DNER: variants seen among roughly 807,000 people sequenced by gnomAD.
The protein encoded by DNER is delta/notch like EGF repeat containing.
Under a neutral mutation model 78.2 loss-of-function variants are expected in DNER, and 33 were observed. The observed-to-expected ratio is 0.42, with a 90% CI of 0.32 to 0.56. DNER has a LOEUF of 0.56. DNER is among the 20% of genes least tolerant of loss of function. DNER has a pLI of 0.11. For synonymous variants in DNER, 417 were observed against 384.8 expected, an observed-to-expected ratio of 1.08 and a Z score of -0.98; for missense variants, 918 against 975.3, an observed-to-expected ratio of 0.94 and a Z score of 0.78.
At chr2:229,509,088 T>C (rs1695809093) in intron 6 of DNER, among the ~76,000 whole-genome samples, 1 of 152,128 alleles carries the variant, frequency 6.6e-6, no homozygotes, top group African/African-American at 2.4e-5. Flanking sequence ...TTAGCAAATA[T>C]GTAAAAATAG....
chr2:229,449,530 TTAGA>T (rs1694409404), intron 7 of DNER, among the ~76,000 whole-genome samples: 2 of 152,098 alleles, frequency 1.3e-5, no homozygotes, highest in African/African-American at 4.8e-5. Context: ...TTGCATTTAG[TTAGA>T]TAGTGACCCA....
At chr2:229,490,713 C>T (rs1695380420) in intron 6 of DNER, among the ~76,000 whole-genome samples, 1 of 152,114 alleles carries the variant, frequency 6.6e-6, no homozygotes, top group South Asian at 2.1e-4. Context: ...GAATTGTAAA[C>T]TTGCTGGTAT....
chr2:229,470,818 C>G (rs1694910042), intron 7 of DNER, among the ~76,000 whole-genome samples: 1 of 152,084 alleles, frequency 6.6e-6, no homozygotes, highest in Admixed American at 6.6e-5. Context: ...CCATTGGACT[C>G]CAGCCTGGGC....
chr2:229,487,815 G>A (rs1451215243), intron 6 of DNER, among the ~76,000 whole-genome samples: 1 of 152,198 alleles, frequency 6.6e-6, no homozygotes, highest in East Asian at 1.9e-4. Flanking sequence ...ACATTCCCAT[G>A]AAACAGCATA....
At chr2:229,590,849 T>C (rs1697590056) in intron 2 of DNER, among the ~76,000 whole-genome samples, 1 of 152,204 alleles carries the variant, frequency 6.6e-6, no homozygotes, top group Admixed American at 6.5e-5. Context: ...ATGTGAGGTC[T>C]GGTAGGAGAT....
intron 1 of DNER, among the ~76,000 whole-genome samples, chr2:229,625,246 A>G (rs1039562593): frequency 5.9e-5 from 9 of 152,142 alleles, no homozygotes; most frequent in African/African-American, 1.9e-4. Flanking sequence ...TTTTATTTTC[A>G]TGGAAAATCA....
chr2:229,694,417 A>G (rs1699631115), intron 1 of DNER, among the ~76,000 whole-genome samples: 1 of 151,904 alleles, frequency 6.6e-6, no homozygotes, highest in Non-Finnish European at 1.5e-5. Flanking sequence ...AGACCCACTA[A>G]CAGCTTGTAC....
intron 6 of DNER, among the ~76,000 whole-genome samples, chr2:229,512,486 T>C (rs1695884404): frequency 6.6e-6 from 1 of 152,078 alleles, no homozygotes; most frequent in Non-Finnish European, 1.5e-5. Flanking sequence ...AAACATCATA[T>C]GTTCTCACTC....
chr2:229,564,705 C>T (rs1697067590), intron 4 of DNER, among the ~76,000 whole-genome samples: 1 of 151,800 alleles, frequency 6.6e-6, no homozygotes, highest in Non-Finnish European at 1.5e-5. Flanking sequence ...TCACCATCAT[C>T]ATCAACATCA....
At chr2:229,383,645 G>C (rs1338229926) in intron 11 of DNER, among the ~76,000 whole-genome samples, 1 of 152,052 alleles carries the variant, frequency 6.6e-6, no homozygotes, top group Non-Finnish European at 1.5e-5. Flanking sequence ...AACCAACAAA[G>C]ATCAAAAGAG....
intron 5 of DNER, among the ~76,000 whole-genome samples, chr2:229,538,123 A>G (rs1696445521): frequency 6.6e-6 from 1 of 152,190 alleles, no homozygotes; most frequent in Admixed American, 6.5e-5. Context: ...ATGTGTTTCT[A>G]ATAATTATTA....
At chr2:229,461,713 C>T (rs1694706571) in intron 7 of DNER, among the ~76,000 whole-genome samples, 1 of 151,978 alleles carries the variant, frequency 6.6e-6, no homozygotes, top group Non-Finnish European at 1.5e-5. Context: ...TTTGGATTTA[C>T]AATCTTCCTT....
At chr2:229,633,749 C>T (rs1698479496) in intron 1 of DNER, among the ~76,000 whole-genome samples, 1 of 152,150 alleles carries the variant, frequency 6.6e-6, no homozygotes, top group Non-Finnish European at 1.5e-5. Flanking sequence ...ACAGCAGGCG[C>T]CCAAACCACC....
intron 10 of DNER, among the ~76,000 whole-genome samples, chr2:229,394,169 T>G (rs1489457899): frequency 4.6e-5 from 7 of 152,196 alleles, no homozygotes; most frequent in Non-Finnish European, 8.8e-5. Flanking sequence ...GATTCCAGTT[T>G]ATGTACTGTT....
intron 8 of DNER, 134 bp from the exon 9 acceptor site, chr2:229,418,364 A>T: frequency 8.0e-7 from 1 of 1,250,676 alleles, no homozygotes; most frequent in Admixed American, 2.5e-5. Context: ...CAGGAGCTAG[A>T]TCTCTTGGGG....
intron 1 of DNER, among the ~76,000 whole-genome samples, chr2:229,611,546 C>T (rs1698048292): frequency 6.6e-6 from 1 of 152,158 alleles, no homozygotes; most frequent in Non-Finnish European, 1.5e-5. Context: ...GCTGGAATTC[C>T]AGGAGACCAG....
chr2:229,505,637 T>C (rs932376466), intron 6 of DNER, among the ~76,000 whole-genome samples: 1 of 152,222 alleles, frequency 6.6e-6, no homozygotes, highest in African/African-American at 2.4e-5. Flanking sequence ...ACTATGGTTC[T>C]ACGGCTGCCT....
At chr2:229,603,006 C>G (rs79730615) in intron 1 of DNER, among the ~76,000 whole-genome samples, 2 of 152,072 alleles carry the variant, frequency 1.3e-5, no homozygotes, top group East Asian at 3.9e-4. Context: ...TAGCATGACA[C>G]TGGCAGAAAG....
chr2:229,628,450 A>G (rs1053107754), intron 1 of DNER, among the ~76,000 whole-genome samples: 1 of 152,242 alleles, frequency 6.6e-6, no homozygotes, highest in Non-Finnish European at 1.5e-5. Flanking sequence ...AGACACCAAA[A>G]ACACGGGAAC....
Sources: gnomAD v4.1 joint callset for allele counts (sites outside exome capture counted in the v4.1 genomes callset) on GRCh38, gnomAD v4.1.1 for gene constraint, MANE v1.5 for transcripts, NCBI Gene and HGNC (gene_info 2026-07-23, HGNC 2026-07-21) for gene names.